HYDIN: variants seen among roughly 807,000 people sequenced by gnomAD.
HYDIN encodes the protein HYDIN axonemal central pair apparatus protein, also known as axonemal central pair apparatus protein HYDIN.
A neutral mutation model predicts 403.9 loss-of-function variants in HYDIN; 132 were observed. The ratio of observed to expected loss-of-function variants is 0.33; its 90% CI spans 0.28 to 0.38. HYDIN has a LOEUF of 0.38. HYDIN is among the 10% of genes least tolerant of loss of function. HYDIN has a pLI of 1.00. For synonymous variants in HYDIN, 1,202 were observed against 1,891.7 expected, an observed-to-expected ratio of 0.64 and a Z score of 9.46; for missense variants, 2,827 against 5,009.5, an observed-to-expected ratio of 0.56 and a Z score of 13.15.
At chr16:70,847,652 AC>A (rs1351297718) in intron 75 of HYDIN, among the ~76,000 whole-genome samples, 3 of 151,810 alleles carry the variant, frequency 2.0e-5, no homozygotes, top group African/African-American at 7.3e-5. Flanking sequence ...ATATGTCATC[AC>A]ACTGTCTTCA....
intron 20 of HYDIN, chr16:71,027,265 A>T (rs1358196744): frequency 8.3e-7 from 1 of 1,202,964 alleles, no homozygotes; most frequent in South Asian, 1.9e-5. Context: ...TTTTGAATGA[A>T]TATTAAATTC....
intron 58 of HYDIN, among the ~76,000 whole-genome samples, chr16:70,886,957 C>T (rs2041176204): frequency 6.6e-6 from 1 of 152,054 alleles, no homozygotes; most frequent in Non-Finnish European, 1.5e-5. Context: ...GAAAAGTTTT[C>T]TGTCATTATT....
chr16:71,200,364 G>A (rs910451666), intron 1 of HYDIN, among the ~76,000 whole-genome samples: 2 of 152,128 alleles, frequency 1.3e-5, no homozygotes, highest in African/African-American at 4.8e-5. Flanking sequence ...CCCTCTCTTG[G>A]GGTCTGGATC....
intron 18 of HYDIN, among the ~76,000 whole-genome samples, chr16:71,040,170 CT>C (rs2081238006): frequency 1.3e-5 from 2 of 152,106 alleles, no homozygotes; most frequent in Admixed American, 6.5e-5. Flanking sequence ...TTTGATCTTG[CT>C]GGTGCCGATG....
chr16:71,191,262 AATC>A (rs1229202065), intron 1 of HYDIN, among the ~76,000 whole-genome samples: 2 of 152,202 alleles, frequency 1.3e-5, no homozygotes, highest in Non-Finnish European at 2.9e-5. Flanking sequence ...TAGTTTTTAA[AATC>A]ATCGTTTGTT....
chr16:70,933,964 G>A (rs967333383), intron 45 of HYDIN, among the ~76,000 whole-genome samples: 1 of 152,106 alleles, frequency 6.6e-6, no homozygotes, highest in Admixed American at 6.5e-5. Flanking sequence ...AAAGGCTGAC[G>A]CTGGAAACCT....
intron 15 of HYDIN, among the ~76,000 whole-genome samples, chr16:71,065,243 C>T (rs1036529289): frequency 1.3e-5 from 2 of 152,204 alleles, no homozygotes; most frequent in African/African-American, 2.4e-5. Flanking sequence ...TCAGAAAGCC[C>T]CCCAAGGACT....
chr16:70,962,989 C>T (rs1310175026), intron 37 of HYDIN, among the ~76,000 whole-genome samples: 1 of 151,910 alleles, frequency 6.6e-6, no homozygotes, highest in East Asian at 1.9e-4. Context: ...GATCACCTTC[C>T]ATTGGGCCAG....
At position 70,833,939 on chromosome 16, in the gene HYDIN, T is replaced by C; in HGVS notation, c.13627A>G (p.Thr4543Ala). Residue 4543 changes from threonine (T) to alanine (A), a missense_variant, in exon 79 of 86, where the codon ACG becomes GCG. Physicochemically the swap from Thr to Ala is moderately conservative, Grantham distance 58. Transcript: ENST00000393567. ...HIPFGPVVYQ[T>A]QATRRILMMN... ...ATGAGGATGCGACGTGTGGCTTGCG[T>C]CTGATACACCACGGGTCCAAAGGGA... 6.2e-7 allele frequency: 1 copy of C among 1,613,614 alleles called. No homozygotes were observed. Among genetic ancestry groups the C allele is most frequent in the Non-Finnish European group, 8.5e-7 (1 of 1,179,816 alleles).
rs1186036422 is a variant in HYDIN, at chr16:70,967,549, A to G, written c.5620-2653T>C. On this transcript the variant is annotated intron_variant, in intron 36 of 85. Transcript: ENST00000393567. ...CAGGCTGGAGTGCAGTGGCGCGATC[A>G]CAGCTCACTGCAACCTCTGCCTCCT... Among the ~76,000 whole-genome samples, 6 of 151,508 alleles carry G rather than the reference A, an allele frequency of 4.0e-5. No individual in the cohort carries two copies. In the South Asian group the frequency reaches 8.4e-4, roughly 21 times the overall value.
At chr16:71,213,480 T>C (rs1232889239) in intron 1 of HYDIN, among the ~76,000 whole-genome samples, 2 of 152,172 alleles carry the variant, frequency 1.3e-5, no homozygotes, top group African/African-American at 4.8e-5. Context: ...TAGTTAAGTA[T>C]ACATACATGT....
At chr16:70,937,959 G>C (rs1019640718) in intron 44 of HYDIN, among the ~76,000 whole-genome samples, 1 of 152,116 alleles carries the variant, frequency 6.6e-6, no homozygotes, top group Non-Finnish European at 1.5e-5. Flanking sequence ...TAAGTATCCT[G>C]GGCACTAGGA....
intron 1 of HYDIN, among the ~76,000 whole-genome samples, chr16:71,191,134 G>A (rs921108447): frequency 6.6e-6 from 1 of 152,180 alleles, no homozygotes; most frequent in Admixed American, 6.5e-5. Flanking sequence ...CTGCTCATCA[G>A]ATTAAACATT....
intron 23 of HYDIN, among the ~76,000 whole-genome samples, chr16:71,000,510 G>A (rs2079670855): frequency 6.6e-6 from 1 of 150,792 alleles, no homozygotes; most frequent in African/African-American, 2.4e-5. Context: ...CCCTAACATG[G>A]AGATAGCTTC....
At chr16:71,189,779 A>C (rs1027760334) in intron 1 of HYDIN, among the ~76,000 whole-genome samples, 5 of 151,764 alleles carry the variant, frequency 3.3e-5, no homozygotes, top group Non-Finnish European at 7.4e-5. Context: ...AAAAAAAAAA[A>C]AAACAAACAA....
intron 11 of HYDIN, among the ~76,000 whole-genome samples, chr16:71,092,245 A>G (rs905206519): frequency 6.6e-6 from 1 of 152,240 alleles, no homozygotes; most frequent in East Asian, 1.9e-4. Context: ...ATGTGCTACC[A>G]TCTATAAAAA....
At chr16:71,102,305 T>C (rs1346500126) in intron 10 of HYDIN, among the ~76,000 whole-genome samples, 1 of 152,112 alleles carries the variant, frequency 6.6e-6, no homozygotes, top group Non-Finnish European at 1.5e-5. Context: ...TTATTCCTTA[T>C]ATCTTAACTA....
chr16:71,192,844 GTTAA>G (rs547238666), intron 1 of HYDIN, among the ~76,000 whole-genome samples: 1 of 152,114 alleles, frequency 6.6e-6, no homozygotes, highest in African/African-American at 2.4e-5. Flanking sequence ...AATAAATGTG[GTTAA>G]TTAATTAATT....
chr16:71,157,184 A>G (rs2085806197), intron 6 of HYDIN, among the ~76,000 whole-genome samples: 1 of 151,768 alleles, frequency 6.6e-6, no homozygotes, highest in South Asian at 2.1e-4. Flanking sequence ...AGACATGCAA[A>G]GAAAGTTTTA....
Sources: gnomAD v4.1 joint callset for allele counts (sites outside exome capture counted in the v4.1 genomes callset) on GRCh38, gnomAD v4.1.1 for gene constraint, MANE v1.5 for transcripts, NCBI Gene and HGNC (gene_info 2026-07-23, HGNC 2026-07-21) for gene names.